The following HEMK2 variants were observed in gnomAD, a reference collection of about 807,000 sequenced individuals.
HEMK2 encodes methyltransferase HEMK2.
At chr21:28,719,497 G>C in the HEMK2 span, among the ~76,000 whole-genome samples, 2 of 152,112 alleles carry the variant, frequency 1.3e-5, no homozygotes, top group African/African-American at 4.8e-5. Context: ...CTTTTCCTTT[G>C]CCTTTGCCAT....
chr21:28,644,187 G>C, the HEMK2 span, among the ~76,000 whole-genome samples: 1 of 152,198 alleles, frequency 6.6e-6, no homozygotes, highest in African/African-American at 2.4e-5. Flanking sequence ...AATCATGGTG[G>C]AAGGCGAAGG....
At chr21:28,811,036 A>C in the HEMK2 span, among the ~76,000 whole-genome samples, 3 of 152,346 alleles carry the variant, frequency 2.0e-5, no homozygotes, top group Middle Eastern at 0.01. Flanking sequence ...ATACACACTG[A>C]ACAGTGTTTC....
At chr21:28,609,626 G>A in the HEMK2 span, among the ~76,000 whole-genome samples, 2 of 132,686 alleles carry the variant, frequency 1.5e-5, no homozygotes, top group Non-Finnish European at 3.2e-5. Context: ...AGGCACCAGA[G>A]AAAGGTGAAG....
the HEMK2 span, among the ~76,000 whole-genome samples, chr21:28,673,045 G>GAGGA: frequency 2.6e-5 from 4 of 150,952 alleles, no homozygotes; most frequent in Non-Finnish European, 5.9e-5. Flanking sequence ...GAGAGGGAGG[G>GAGGA]AGGAAGGAAA....
the HEMK2 span, among the ~76,000 whole-genome samples, chr21:28,870,203 CA>C: frequency 5.9e-5 from 9 of 151,806 alleles, no homozygotes; most frequent in African/African-American, 1.9e-4. Context: ...GGTTAAAAAA[CA>C]AAAAAAAGTA....
the HEMK2 span, among the ~76,000 whole-genome samples, chr21:28,859,166 G>C: frequency 1.3e-5 from 2 of 152,282 alleles, no homozygotes; most frequent in African/African-American, 4.8e-5. Flanking sequence ...GACATACCTG[G>C]TGTGTATCTC....
the HEMK2 span, among the ~76,000 whole-genome samples, chr21:28,858,808 C>T: frequency 6.6e-6 from 1 of 152,108 alleles, no homozygotes; most frequent in Non-Finnish European, 1.5e-5. Context: ...GAGCTATGAT[C>T]GCACCACTGA....
chr21:28,745,726 A>G, the HEMK2 span, among the ~76,000 whole-genome samples: 1 of 152,218 alleles, frequency 6.6e-6, no homozygotes, highest in East Asian at 1.9e-4. Flanking sequence ...GCTTCCCGAC[A>G]TATAACACAC....
chr21:28,714,462 A>T, the HEMK2 span, among the ~76,000 whole-genome samples: 2 of 152,196 alleles, frequency 1.3e-5, no homozygotes, highest in Admixed American at 1.3e-4. Flanking sequence ...AGACAATGAG[A>T]TGAGGCTGAA....
chr21:28,799,392 C>T, the HEMK2 span, among the ~76,000 whole-genome samples: 22 of 152,308 alleles, frequency 1.4e-4, no homozygotes, highest in Admixed American at 2.6e-4. Context: ...ATTCAATTAC[C>T]TCCCACTGGG....
the HEMK2 span, among the ~76,000 whole-genome samples, chr21:28,599,509 C>T: frequency 1.4e-3 from 206 of 152,302 alleles, no homozygotes; most frequent in Middle Eastern, 3.4e-3. Context: ...CCAGGTCCCT[C>T]CCACAACTCA....
the HEMK2 span, among the ~76,000 whole-genome samples, chr21:28,735,620 C>T: frequency 1.5e-3 from 224 of 152,202 alleles, 1 homozygote; most frequent in African/African-American, 4.4e-3. Context: ...AAATACAAAA[C>T]GACTGGGGTT....
chr21:28,845,489 C>A, the HEMK2 span, among the ~76,000 whole-genome samples: 1 of 152,122 alleles, frequency 6.6e-6, no homozygotes, highest in African/African-American at 2.4e-5. Flanking sequence ...AATTTTACTG[C>A]CTTATGTTTA....
At chr21:28,831,471 G>GA in the HEMK2 span, among the ~76,000 whole-genome samples, 778 of 28,740 alleles carry the variant, frequency 0.027, 66 homozygotes, top group African/African-American at 0.1. Flanking sequence ...ACGAAAGAAA[G>GA]AAAGAAAGAA....
At chr21:28,797,559 G>A in the HEMK2 span, among the ~76,000 whole-genome samples, 1 of 152,078 alleles carries the variant, frequency 6.6e-6, no homozygotes, top group Non-Finnish European at 1.5e-5. Context: ...AGGTTGCAGT[G>A]AGTGGACATC....
At chr21:28,778,618 C>G in the HEMK2 span, among the ~76,000 whole-genome samples, 2 of 152,146 alleles carry the variant, frequency 1.3e-5, no homozygotes, top group Non-Finnish European at 2.9e-5. Context: ...TTTAGCCATC[C>G]AGATAGGTAT....
chr21:28,692,159 T>C, the HEMK2 span, among the ~76,000 whole-genome samples: 1 of 152,202 alleles, frequency 6.6e-6, no homozygotes, highest in African/African-American at 2.4e-5. Flanking sequence ...TTCACAGTAC[T>C]GTTGACCCAT....
chr21:28,663,545 G>A, the HEMK2 span, among the ~76,000 whole-genome samples: 3 of 152,352 alleles, frequency 2.0e-5, no homozygotes, highest in Admixed American at 2.0e-4. Flanking sequence ...ATGATATATG[G>A]ACCTCAACTA....
the HEMK2 span, among the ~76,000 whole-genome samples, chr21:28,762,917 G>A: frequency 1.3e-5 from 2 of 152,096 alleles, no homozygotes; most frequent in Non-Finnish European, 2.9e-5. Flanking sequence ...GATTCAGTAG[G>A]CTTATTAAAT....
Sources: gnomAD v4.1 joint callset for allele counts (sites outside exome capture counted in the v4.1 genomes callset) on GRCh38, gnomAD v4.1.1 for gene constraint, MANE v1.5 for transcripts, NCBI Gene and HGNC (gene_info 2026-07-23, HGNC 2026-07-21) for gene names.